The following PLCH2 variants were observed in gnomAD, a reference collection of about 807,000 sequenced individuals.
The protein encoded by PLCH2 is 1-phosphatidylinositol 4,5-bisphosphate phosphodiesterase eta-2.
Under a neutral mutation model 134.7 loss-of-function variants are expected in PLCH2, and 98 were observed. The ratio of observed to expected loss-of-function variants is 0.73; its 90% CI spans 0.62 to 0.86. PLCH2 has a LOEUF of 0.86. Among genes scored for constraint, PLCH2 ranks in the 40% least tolerant of loss-of-function variants. PLCH2 has a pLI of 0.00. For missense variants in PLCH2, 1,994 were observed against 1,986.6 expected (o/e 1.00, Z -0.07); for synonymous variants, 974 against 827.5 (o/e 1.18, Z -3.04).
chr1:2,460,899 G>A (rs1274873040), intron 2 of PLCH2, among the ~76,000 whole-genome samples: 1 of 152,248 alleles, frequency 6.6e-6, no homozygotes, highest in Non-Finnish European at 1.5e-5. Context: ...GGCAACAGCT[G>A]CGGGTTCGCC....
In PLCH2 at chr1:2,499,353, G is replaced by A. The variant is rs1384861054; in HGVS notation, c.2581+123G>A. 7 of 1,234,778 alleles carry A rather than the reference G, an allele frequency of 5.7e-6. No individual in the cohort carries two copies. In the African/African-American group the frequency reaches 8.9e-5, roughly 16 times the overall value. 76.5% of individuals were successfully genotyped at this position (1,234,778 alleles called of 1,614,324 possible). A position where few individuals can be genotyped will look rare whatever the true frequency, so the allele number is the denominator to read the frequency against. ...CCTGCACCTGGCACCAAAGAGACAG[G>A]AGCTGAGGACGGGAGGAGAGCCAGC... On this transcript the variant is annotated intron_variant, in intron 19 of 21. Transcript: ENST00000378486.
At position 2,499,187 on chromosome 1, in the gene PLCH2, CT is replaced by C. The variant is rs760064763; in HGVS notation, c.2540del (p.Phe847SerfsTer12). On this transcript the variant is annotated frameshift_variant, in exon 19 of 22. Coordinates refer to ENST00000378486, the MANE Select transcript of PLCH2 (RefSeq NM_014638.4). LOFTEE classifies it high-confidence loss of function. The part of the protein sequence containing the change: ...VWDHDPIGRD[F>X]IGQRTLAFSS... ...GGGACCACGATCCCATCGGGCGTGA[CT>C]TCATTGGCCAGAGGACGCTGGCCTT... The C allele has an allele frequency of 3.1e-6, 5 of 1,613,212 alleles. No individual in the cohort carries two copies. Among genetic ancestry groups the C allele is most frequent in the Non-Finnish European group, 4.2e-6 (5 of 1,179,802 alleles).
Position 2,487,710 on chromosome 1 carries a change from C to A in PLCH2, c.1227C>A (p.Ile409=), listed in dbSNP as rs1642361382. The A allele has an allele frequency of 1.9e-6, 3 of 1,612,978 alleles. No homozygotes were observed. In the African/African-American group the frequency reaches 4.0e-5, roughly 22 times the overall value. ...VIETINKYAF[I]KNEYPVILSI... Reference sequence around the variant, plus strand: ...AAACCATCAACAAATATGCCTTCATCAAGAATGAGTGAGTGGCTGGGCCTA... The same window carrying A: ...AAACCATCAACAAATATGCCTTCATAAAGAATGAGTGAGTGGCTGGGCCTA... Residue 409 remains isoleucine (I), a synonymous_variant, in exon 8 of 22, where the codon ATC becomes ATA. Coordinates refer to ENST00000378486, the MANE Select transcript of PLCH2 (RefSeq NM_014638.4).
chr1:2,497,030 G>A lies in PLCH2; in HGVS notation c.2116+20G>A, dbSNP rs373426082. On this transcript the variant is annotated intron_variant, in intron 15 of 21. Transcript: ENST00000378486. ...AAATGGGTGGGTGCGGGCATGGTGC[G>A]CTGGGTGTGGTGGGGAGGGCTCGGC... is the stretch of plus-strand genomic sequence containing the variant. The A allele has an allele frequency of 3.3e-5, 53 of 1,606,126 alleles. No individual in the cohort carries two copies. The highest frequency in any genetic ancestry group is 3.5e-5 in the Non-Finnish European group (41 of 1,176,234).
chr1:2,468,007 G>A (rs974517671), intron 1 of PLCH2, among the ~76,000 whole-genome samples: 6 of 152,200 alleles, frequency 3.9e-5, no homozygotes, highest in African/African-American at 9.7e-5. Context: ...TGGGGGAGGC[G>A]CCCTCAGCCA....
intron 5 of PLCH2, 128 bp downstream of exon 5, chr1:2,484,746 G>A (rs538998753): frequency 5.1e-6 from 5 of 988,496 alleles, no homozygotes; most frequent in South Asian, 1.6e-5. Flanking sequence ...GCCAGGGATG[G>A]GCTACCTGGG....
At chr1:2,468,754 G>A (rs1289486873) in intron 1 of PLCH2, among the ~76,000 whole-genome samples, 2 of 152,206 alleles carry the variant, frequency 1.3e-5, no homozygotes, top group Non-Finnish European at 2.9e-5. Flanking sequence ...ATCGCTGCTG[G>A]GCAGACTGGG....
intron 4 of PLCH2, among the ~76,000 whole-genome samples, chr1:2,481,722 G>T (rs1360108259): frequency 2.6e-5 from 4 of 152,244 alleles, no homozygotes; most frequent in African/African-American, 9.6e-5. Context: ...TGGCACTCCA[G>T]CCCTATGTAG....
At chr1:2,483,409 C>T (rs1185233709) in intron 4 of PLCH2, among the ~76,000 whole-genome samples, 10 of 152,190 alleles carry the variant, frequency 6.6e-5, no homozygotes, top group Non-Finnish European at 1.0e-4. Flanking sequence ...AGGTGTGAAA[C>T]GAGCTGTCAG....
intron 1 of PLCH2, among the ~76,000 whole-genome samples, chr1:2,470,764 C>G (rs925315697): frequency 1.3e-5 from 2 of 152,190 alleles, no homozygotes; most frequent in Non-Finnish European, 2.9e-5. Flanking sequence ...GGCAGGAGCT[C>G]CCTCTCTCCC....
At chr1:2,473,391 A>G (rs554435721), upstream of PLCH2, among the ~76,000 whole-genome samples, 201 of 152,310 alleles carry the variant, frequency 1.3e-3, no homozygotes, top group African/African-American at 4.1e-3. Flanking sequence ...TGGGGCCCGC[A>G]GAGCCCTCCC....
At chr1:2,499,325 G>T (rs1643081886) in intron 19 of PLCH2, 95 bp downstream of exon 19, 1 of 1,402,936 alleles carries the variant, frequency 7.1e-7, no homozygotes, top group Non-Finnish European at 9.8e-7. Flanking sequence ...CTGTGTAGGT[G>T]GGCCTGCACC....
chr1:2,475,044 C>T (rs942076758), upstream of PLCH2, among the ~76,000 whole-genome samples: 16 of 152,184 alleles, frequency 1.1e-4, no homozygotes, highest in African/African-American at 3.9e-4. Context: ...CCGAGAGCAG[C>T]AGAGCCTGTG....
At chr1:2,436,565 T>C (rs1294068107) in intron 2 of PLCH2, among the ~76,000 whole-genome samples, 8 of 86,336 alleles carry the variant, frequency 9.3e-5, no homozygotes, top group Admixed American at 1.1e-4. Context: ...CCTCCACCTT[T>C]CCTCCTTCCT....
At chr1:2,480,576 G>A (rs955904451) in intron 4 of PLCH2, among the ~76,000 whole-genome samples, 5 of 152,176 alleles carry the variant, frequency 3.3e-5, no homozygotes, top group South Asian at 2.1e-4. Flanking sequence ...GAAAGTGGTC[G>A]GGGCACCTGG....
intron 2 of PLCH2, among the ~76,000 whole-genome samples, chr1:2,434,306 C>T (rs1434408546): frequency 3.3e-5 from 5 of 152,196 alleles, no homozygotes; most frequent in East Asian, 1.9e-4. Context: ...GCAGGACACA[C>T]GGACTCACCT....
At chr1:2,465,467 G>A (rs888404034), upstream of PLCH2, among the ~76,000 whole-genome samples, 2 of 152,134 alleles carry the variant, frequency 1.3e-5, no homozygotes, top group Non-Finnish European at 2.9e-5. Context: ...CTGGCTCTGC[G>A]TCCCTGGATG....
At chr1:2,470,823 C>T (rs1258508296) in intron 1 of PLCH2, among the ~76,000 whole-genome samples, 2 of 152,226 alleles carry the variant, frequency 1.3e-5, no homozygotes, top group Non-Finnish European at 2.9e-5. Context: ...AAGGCTCCCC[C>T]ACCGTGGCTG....
At chr1:2,450,262 G>A (rs1363640414) in intron 2 of PLCH2, among the ~76,000 whole-genome samples, 1 of 152,102 alleles carries the variant, frequency 6.6e-6, no homozygotes, top group Non-Finnish European at 1.5e-5. Context: ...TCGAGAGCTG[G>A]TTCAAACACC....
Sources: gnomAD v4.1 joint callset for allele counts (sites outside exome capture counted in the v4.1 genomes callset) on GRCh38, gnomAD v4.1.1 for gene constraint, MANE v1.5 for transcripts, NCBI Gene and HGNC (gene_info 2026-07-23, HGNC 2026-07-21) for gene names.